The following SYNE1 variants were observed in gnomAD, a reference collection of about 807,000 sequenced individuals.
SYNE1 encodes spectrin repeat containing nuclear envelope protein 1, also known as nesprin-1.
In SYNE1, 616 loss-of-function variants were observed where a neutral mutation model predicts 1,111.0. That is an observed-to-expected ratio of 0.55 (90% CI 0.52 to 0.59). The LOEUF (loss-of-function observed/expected upper bound fraction) is 0.59. SYNE1 is among the 20% of genes least tolerant of loss of function. The pLI, the probability that SYNE1 is intolerant of heterozygous loss-of-function variation, is 0.00. For missense variants in SYNE1, 10,006 were observed against 10,417.0 expected (o/e 0.96, Z 1.72); for synonymous variants, 3,855 against 3,825.8 (o/e 1.01, Z -0.28).
intron 3 of SYNE1, among the ~76,000 whole-genome samples, chr6:152,572,197 C>G (rs2099464663): frequency 6.6e-6 from 1 of 152,202 alleles, no homozygotes; most frequent in East Asian, 1.9e-4. Context: ...TAGCATTTTA[C>G]TGTAATGAAG....
In SYNE1 at chr6:152,428,298, T is replaced by A. The variant is rs907067296; in HGVS notation, c.4883A>T (p.Glu1628Val). Reference sequence around the variant, plus strand: ...GTATTGCTGCTGTAGAGCCGCAGCCTCCTGAACACAGGAATCTCTGTTCAC... The same window carrying A: ...GTATTGCTGCTGTAGAGCCGCAGCCACCTGAACACAGGAATCTCTGTTCAC... Reference protein sequence around the residue: ...KVVNRDSCVQEAAALQQQYED... With the variant: ...KVVNRDSCVQVAAALQQQYED... The change falls in exon 37 of 146, where the codon GAG (glutamate) becomes GTG (valine). Residue 1628 changes from glutamate (E) to valine (V), a missense_variant. Coordinates refer to ENST00000367255, the MANE Select transcript of SYNE1 (RefSeq NM_182961.4). 6.2e-7 allele frequency: 1 copy of A among 1,613,992 alleles called. No homozygotes were observed. Among genetic ancestry groups the A allele is most frequent in the African/African-American group, 1.3e-5 (1 of 74,904 alleles).
intron 104 of SYNE1, among the ~76,000 whole-genome samples, chr6:152,250,739 C>T (rs1015799488): frequency 7.9e-5 from 12 of 152,260 alleles, no homozygotes; most frequent in African/African-American, 2.6e-4. Context: ...AGTAAGGTCA[C>T]GTGGGCCATT....
intron 28 of SYNE1, among the ~76,000 whole-genome samples, chr6:152,449,193 T>C (rs1457165647): frequency 6.6e-6 from 1 of 152,166 alleles, no homozygotes; most frequent in Non-Finnish European, 1.5e-5. Context: ...TGGCTGAAAA[T>C]GTATTGTATA....
intron 61 of SYNE1, 30 bp downstream of exon 61, chr6:152,368,942 C>T (rs759914373): frequency 1.2e-6 from 2 of 1,614,000 alleles, no homozygotes; most frequent in Non-Finnish European, 8.5e-7. Context: ...ATCAGTATCA[C>T]ACTCACACAC....
chr6:152,145,466 G>T, intron 137 of SYNE1: 1 of 1,611,554 alleles, frequency 6.2e-7, no homozygotes, highest in Non-Finnish European at 8.5e-7. Context: ...AGGGAGGCTG[G>T]CTCCGGCTTG....
At chr6:152,135,602 CTTCA>C (rs1300694653) in intron 141 of SYNE1, among the ~76,000 whole-genome samples, 1 of 152,206 alleles carries the variant, frequency 6.6e-6, no homozygotes, top group Non-Finnish European at 1.5e-5. Flanking sequence ...CTCATATCCC[CTTCA>C]TTCATTCATT....
Position 152,455,465 on chromosome 6 carries a change from C to G in SYNE1, c.2853G>C (p.Glu951Asp). The G allele has an allele frequency of 6.2e-7, 1 of 1,614,180 alleles. No individual in the cohort carries two copies. Residue 951 changes from glutamate (E) to aspartate (D), a missense_variant, in exon 24 of 146, where the codon GAG (glutamate) becomes GAC (aspartate). Physicochemically the swap from Glu to Asp is conservative, Grantham distance 45. Transcript: ENST00000367255. ...GGAGCTCCTCTGGATCCCCCTTTTC[C>G]TCCAGGCCCTCCTGAGCAATCCGCA... The part of the protein sequence containing the change: ...KVLRIAQEGL[E>D]EKGDPEELLR...
In SYNE1 at chr6:152,236,272, G is replaced by C. The variant is rs1203670556; in HGVS notation, c.20231C>G (p.Pro6744Arg). Reference sequence around the variant, plus strand: ...ATCATCTAATACTTGATATAATTTGGGCTGGTATTCATTAAGGCTAGATTT... The same window carrying C: ...ATCATCTAATACTTGATATAATTTGCGCTGGTATTCATTAAGGCTAGATTT... ...HLKSSLNEYQPKLYQVLDDGK... is the reference protein window; with the variant it reads ...HLKSSLNEYQRKLYQVLDDGK... The change falls in exon 110 of 146, where the codon CCC becomes CGC. Residue 6744 changes from proline (P) to arginine (R), a missense_variant. Physicochemically the swap from Pro to Arg is moderately radical, Grantham distance 103. Coordinates refer to ENST00000367255, the MANE Select transcript of SYNE1 (RefSeq NM_182961.4). The C allele has an allele frequency of 2.5e-6, 4 of 1,613,804 alleles. No individual in the cohort carries two copies. Among genetic ancestry groups the C allele is most frequent in the Non-Finnish European group, 2.5e-6 (3 of 1,179,860 alleles).
chr6:152,462,548 T>G (rs2098740611), intron 20 of SYNE1, 190 bp downstream of exon 20: 2 of 642,552 alleles, frequency 3.1e-6, no homozygotes, highest in South Asian at 4.1e-5. Context: ...GAAGTTACTT[T>G]ATATGATCAA....
chr6:152,250,167 A>C lies in SYNE1; in HGVS notation c.19471-905T>G, dbSNP rs552572893. ...TAGTCCTATCTACTTGGGAGGCTGAAGTGGAAGGATCCCTTGAGTTCAGGA... is the reference window on the plus strand; with the variant it reads ...TAGTCCTATCTACTTGGGAGGCTGACGTGGAAGGATCCCTTGAGTTCAGGA... On this transcript the variant is annotated intron_variant, in intron 104 of 145. Transcript: ENST00000367255. 1.3e-3 allele frequency among the ~76,000 whole-genome samples: 203 copies of C among 152,070 alleles called. 3 individuals carry two copies. Among genetic ancestry groups the C allele is most frequent in the African/African-American group, 4.7e-3 (195 of 41,470 alleles).
intron 130 of SYNE1, among the ~76,000 whole-genome samples, chr6:152,168,730 G>A (rs143895297): frequency 1.8e-3 from 274 of 152,212 alleles, no homozygotes; most frequent in African/African-American, 6.3e-3. Flanking sequence ...AGAGTTTTAG[G>A]GGTTGTTTGC....
intron 56 of SYNE1, chr6:152,380,599 T>G: frequency 4.1e-6 from 1 of 246,762 alleles, no homozygotes; most frequent in Non-Finnish European, 7.9e-6. Context: ...ACCAAGTGAG[T>G]CTTTTAAGGC....
At chr6:152,532,270 T>A (rs972475232) in intron 4 of SYNE1, among the ~76,000 whole-genome samples, 18 of 152,160 alleles carry the variant, frequency 1.2e-4, no homozygotes, top group Non-Finnish European at 1.9e-4. Flanking sequence ...AAGAAAATGA[T>A]AAAATCACCT....
intron 34 of SYNE1, among the ~76,000 whole-genome samples, chr6:152,432,348 A>G (rs1401527244): frequency 6.6e-6 from 1 of 152,176 alleles, no homozygotes; most frequent in South Asian, 2.1e-4. Flanking sequence ...ATGTTTGGAA[A>G]TAAAACATGA....
rs1227708909 is a variant in SYNE1, at chr6:152,313,964, T to G, written c.16710+2885A>C. On this transcript the variant is annotated intron_variant, in intron 87 of 145. Transcript: ENST00000367255. Reference sequence around the variant, plus strand: ...GAATCATCCTTGACTCCTCCCTGTCTTTCATCGTTGACTCCTCCCTCTCTT... The same window carrying G: ...GAATCATCCTTGACTCCTCCCTGTCGTTCATCGTTGACTCCTCCCTCTCTT... Among the ~76,000 whole-genome samples, 6 of 152,228 alleles carry G rather than the reference T, an allele frequency of 3.9e-5. No homozygotes were observed. In the South Asian group the frequency reaches 1.0e-3, roughly 26 times the overall value.
intron 108 of SYNE1, among the ~76,000 whole-genome samples, chr6:152,237,903 C>A (rs941801646): frequency 1.3e-5 from 2 of 152,144 alleles, no homozygotes; most frequent in African/African-American, 4.8e-5. Flanking sequence ...TGTGAGTATG[C>A]TCACTTCACT....
chr6:152,130,575 A>G, intron 145 of SYNE1, 145 bp downstream of exon 145: 1 of 772,702 alleles, frequency 1.3e-6, no homozygotes, highest in East Asian at 2.6e-5. Context: ...TTCTCTTCCA[A>G]TGTATGAGGA....
chr6:152,173,436 G>T (rs2065684625), intron 130 of SYNE1, among the ~76,000 whole-genome samples: 1 of 152,200 alleles, frequency 6.6e-6, no homozygotes, highest in South Asian at 2.1e-4. Context: ...CATACACTGG[G>T]TTATATTTTG....
At position 152,376,848 on chromosome 6, in the gene SYNE1, T is replaced by A. The variant is rs1591451162; in HGVS notation, c.9074A>T (p.Glu3025Val). 1.7e-5 allele frequency: 28 copies of A among 1,614,090 alleles called. No homozygotes were observed. The East Asian group carries it at 6.2e-4, about 36-fold the overall frequency. ...CAGGTCTCTGGAAAATCGACAAAGT[T>A]CATTCAGCTGAGACTTGAGATCCTC... The part of the protein sequence containing the change: ...RTEDLKSQLN[E>V]LCRFSRDLST... Residue 3025 changes from glutamate to valine, a missense_variant, in exon 57 of 146, where the codon GAA (glutamate) becomes GTA (valine). Transcript: ENST00000367255.
Sources: gnomAD v4.1 joint callset for allele counts (sites outside exome capture counted in the v4.1 genomes callset) on GRCh38, gnomAD v4.1.1 for gene constraint, MANE v1.5 for transcripts, NCBI Gene and HGNC (gene_info 2026-07-23, HGNC 2026-07-21) for gene names.